Variants in ITPR3 observed in about 807,000 individuals in gnomAD.
ITPR3 encodes inositol 1,4,5-trisphosphate receptor type 3, also known as inositol 1,4,5-trisphosphate-gated calcium channel ITPR3.
A neutral mutation model predicts 293.2 loss-of-function variants in ITPR3; 173 were observed. The ratio of observed to expected loss-of-function variants is 0.59; its 90% CI spans 0.52 to 0.67. ITPR3 has a LOEUF of 0.67. Ranked by LOEUF, ITPR3 falls within the 30% of genes least tolerant of loss-of-function variation. The pLI, the probability that ITPR3 is intolerant of heterozygous loss-of-function variation, is 0.00. For synonymous variants in ITPR3, 1,295 were observed against 1,444.4 expected, an observed-to-expected ratio of 0.90 and a Z score of 2.35; for missense variants, 2,796 against 3,592.1, an observed-to-expected ratio of 0.78 and a Z score of 5.66.
At chr6:33,623,117 G>GC (rs1051150946) in intron 1 of ITPR3, among the ~76,000 whole-genome samples, 1 of 152,108 alleles carries the variant, frequency 6.6e-6, no homozygotes, top group Non-Finnish European at 1.5e-5. Flanking sequence ...GGCCAGGGCT[G>GC]CCCACAGTAG....
intron 2 of ITPR3, among the ~76,000 whole-genome samples, chr6:33,643,226 C>T (rs1386298276): frequency 6.6e-6 from 1 of 152,174 alleles, no homozygotes; most frequent in Non-Finnish European, 1.5e-5. Context: ...AAGTTCTGCC[C>T]CCCACCATCT....
intron 25 of ITPR3, 105 bp from the exon 26 acceptor site, chr6:33,676,663 G>T: frequency 3.0e-6 from 4 of 1,320,774 alleles, no homozygotes; most frequent in Non-Finnish European, 4.2e-6. Flanking sequence ...GGGACAGGTG[G>T]TGGTCTACAG....
chr6:33,621,503 G>T lies in ITPR3; in HGVS notation c.-100G>T. 1 of 807,792 alleles carries T rather than the reference G, an allele frequency of 1.2e-6. No homozygotes were observed. Among genetic ancestry groups the T allele is most frequent in the East Asian group, 3.1e-5 (1 of 32,700 alleles). The allele number at this position is 807,792 out of a possible 1,614,324, so 50.0% of individuals were successfully genotyped here. ...GAGCGTCGGGATCCGAGGTGGGAGC[G>T]TACCCCTCCCCGCTCCCCGGACGCC... On this transcript the variant is annotated 5_prime_UTR_variant, in exon 1 of 58. Transcript: ENST00000605930. The surrounding 1 kb of genome is among the most constrained non-coding windows in gnomAD (Gnocchi z 7.7).
At chr6:33,640,596 C>A in intron 2 of ITPR3, 42 bp downstream of exon 2, 1 of 1,537,950 alleles carries the variant, frequency 6.5e-7, no homozygotes, top group Non-Finnish European at 8.9e-7. Flanking sequence ...TCCCAGGCTG[C>A]AGGGTTCTGG....
Position 33,658,567 on chromosome 6 carries a change from AGCCAGAATGT to A in ITPR3, c.370-101_370-92del. ...GACAGGTGTCTGACACTATGTGTGC[AGCCAGAATGT>A]GACCAAGGGTCTAGGGGATCCCCCC... On this transcript the variant is annotated intron_variant, in intron 4 of 57. Transcript: ENST00000605930. The surrounding 1 kb of genome is among the most constrained non-coding windows in gnomAD (Gnocchi z 6.1). 2.2e-6 allele frequency: 3 copies of A among 1,350,320 alleles called. No individual in the cohort carries two copies. In the South Asian group the frequency reaches 4.1e-5, roughly 18 times the overall value. The allele number at this position is 1,350,320 out of a possible 1,614,324, so 83.6% of individuals were successfully genotyped here.
At chr6:33,644,315 GT>G (rs1387703283) in intron 2 of ITPR3, among the ~76,000 whole-genome samples, 1 of 151,452 alleles carries the variant, frequency 6.6e-6, no homozygotes, top group Non-Finnish European at 1.5e-5. Flanking sequence ...TAGAGATGGG[GT>G]TTCACCTTGT....
chr6:33,680,071 A>G lies in ITPR3; in HGVS notation c.4162A>G (p.Thr1388Ala). The G allele has an allele frequency of 6.2e-7, 1 of 1,613,536 alleles. No homozygotes were observed. The highest frequency in any genetic ancestry group is 8.5e-7 in the Non-Finnish European group (1 of 1,180,006). ...GKNVYTEIKC[T>A]SLLPLEDVVS... ...AAACGTCTACACTGAGATCAAGTGCACCTCCCTGCTGCCGCTGGAGGACGT... is the reference window on the plus strand; with the variant it reads ...AAACGTCTACACTGAGATCAAGTGCGCCTCCCTGCTGCCGCTGGAGGACGT... Residue 1388 changes from threonine to alanine, a missense_variant, in exon 31 of 58, where the codon ACC becomes GCC. Transcript: ENST00000605930.
In ITPR3 at chr6:33,657,958, A is replaced by T. The variant is rs142845743; in HGVS notation, c.309A>T (p.Gln103His). The T allele has an allele frequency of 2.0e-5, 32 of 1,613,720 alleles. No homozygotes were observed. The highest frequency in any genetic ancestry group is 2.5e-5 in the Non-Finnish European group (30 of 1,179,906). Residue 103 changes from glutamine to histidine, a missense_variant, in exon 4 of 58, where the codon CAA becomes CAT. Gln to His is a conservative substitution (Grantham distance 24). Coordinates refer to ENST00000605930, the MANE Select transcript of ITPR3 (RefSeq NM_002224.4). ...LQHAAQMEQK[Q>H]NDTENKKVHG... The stretch of plus-strand genomic sequence containing the variant: ...ATGCGGCGCAGATGGAGCAGAAGCA[A>T]AATGACACGGAGAACAAGAAGGTGC...
rs1763725151 is a variant in ITPR3 at position 33,633,251 on chromosome 6, A to G, written c.90-7233A>G. Among the ~76,000 whole-genome samples, 3 of 150,254 alleles carry G rather than the reference A, an allele frequency of 2.0e-5. No individual in the cohort carries two copies. The highest frequency in any genetic ancestry group is 6.9e-3 in the Middle Eastern group (2 of 290). On this transcript the variant is annotated intron_variant, in intron 1 of 57. Coordinates refer to ENST00000605930, the MANE Select transcript of ITPR3 (RefSeq NM_002224.4). The surrounding 1 kb of genome is among the most constrained non-coding windows in gnomAD (Gnocchi z 5.2). ...TCATCCTAGTAGAGGCTGGACAGTGAGAGATCGGTGGGCTGGTAAAGGGTG... is the reference window on the plus strand; with the variant it reads ...TCATCCTAGTAGAGGCTGGACAGTGGGAGATCGGTGGGCTGGTAAAGGGTG...
At chr6:33,693,284 T>C (rs961026468) in intron 55 of ITPR3, among the ~76,000 whole-genome samples, 3 of 136,358 alleles carry the variant, frequency 2.2e-5, no homozygotes, top group African/African-American at 3.2e-5. Flanking sequence ...GGGCTTCCCC[T>C]GAGTTCGAGA....
At chr6:33,635,971 G>T (rs1028858949) in intron 1 of ITPR3, among the ~76,000 whole-genome samples, 4 of 151,834 alleles carry the variant, frequency 2.6e-5, no homozygotes, top group Admixed American at 2.6e-4. Context: ...TGGAGTGCTG[G>T]CCTGATTTGA....
Position 33,683,521 on chromosome 6 carries a change from G to C in ITPR3, c.4788+124G>C. 1 of 877,446 alleles carries C rather than the reference G, an allele frequency of 1.1e-6. No individual in the cohort carries two copies. 54.4% of individuals were successfully genotyped at this position (877,446 alleles called of 1,614,324 possible). A position where few individuals can be genotyped will look rare whatever the true frequency, so the allele number is the denominator to read the frequency against. ...CTGTCCTGCCCACACTTCCAGGAAG[G>C]GGCTGGTTGGCTTCTCTACACTCTG... is the stretch of plus-strand genomic sequence containing the variant. On this transcript the variant is annotated intron_variant, in intron 35 of 57. Transcript: ENST00000605930. This position sits in a 1 kb window ranked among gnomAD's most constrained non-coding sequence, Gnocchi z 4.5.
Position 33,687,999 on chromosome 6 carries a change from G to T in ITPR3, c.6265-58G>T. On this transcript the variant is annotated intron_variant, in intron 46 of 57. Coordinates refer to ENST00000605930, the MANE Select transcript of ITPR3 (RefSeq NM_002224.4). The surrounding 1 kb of genome is among the most constrained non-coding windows in gnomAD (Gnocchi z 5.3). The stretch of plus-strand genomic sequence containing the variant: ...GCGAAGGCCTGGGAGGGTGGGGGCT[G>T]AGTGCCAGCCTGGATGTGGAGGCTG... 7.2e-7 allele frequency: 1 copy of T among 1,381,202 alleles called. No individual in the cohort carries two copies. The allele number at this position is 1,381,202 out of a possible 1,614,324, so 85.6% of individuals were successfully genotyped here.
chr6:33,659,183 AC>A, intron 6 of ITPR3, 64 bp downstream of exon 6: 1 of 1,435,628 alleles, frequency 7.0e-7, no homozygotes, highest in Non-Finnish European at 9.8e-7. Flanking sequence ...TGGTGTAGAC[AC>A]CCCGCTCCCT....
rs1765475289 is a variant in ITPR3, at chr6:33,694,258, T to C, written c.7785+553T>C. 2 of 156,148 alleles carry C rather than the reference T, an allele frequency of 1.3e-5. 1 individual carries two copies. Among genetic ancestry groups the C allele is most frequent in the South Asian group, 3.9e-4 (2 of 5,120 alleles). The allele number at this position is 156,148 out of a possible 1,614,324, so 9.7% of individuals were successfully genotyped here. A position where few individuals can be genotyped will look rare whatever the true frequency, so the allele number is the denominator to read the frequency against. On this transcript the variant is annotated intron_variant, in intron 56 of 57. Coordinates refer to ENST00000605930, the MANE Select transcript of ITPR3 (RefSeq NM_002224.4). ...AATGTCATCTGTCCAATTTCTGTAA[T>C]AATGGAGTGAAGGCAATGAATCATA...
intron 1 of ITPR3, among the ~76,000 whole-genome samples, chr6:33,629,040 A>T (rs1046564083): frequency 1.3e-5 from 2 of 152,216 alleles, no homozygotes; most frequent in African/African-American, 4.8e-5. Context: ...GATCACTTAC[A>T]TTGGGTGGCC....
At chr6:33,685,996 C>T (rs2127308955) in intron 41 of ITPR3, 57 bp from the exon 42 acceptor site, 1 of 1,592,856 alleles carries the variant, frequency 6.3e-7, no homozygotes, top group Middle Eastern at 1.7e-4. Flanking sequence ...GCTTCCCAGG[C>T]CAGCCTCCCT....
Position 33,628,994 on chromosome 6 carries a change from AGAT to A in ITPR3, c.89+7317_89+7319del, listed in dbSNP as rs565077512. Among the ~76,000 whole-genome samples, 32 of 152,258 alleles carry A rather than the reference AGAT, an allele frequency of 2.1e-4. No individual in the cohort carries two copies. The East Asian group carries it at 6.0e-3, about 29-fold the overall frequency. The stretch of plus-strand genomic sequence containing the variant: ...AGGGAAAATTAAGTCTGTGTCTCAA[AGAT>A]GATGATGATGATGGCAGTGGGTAGA... On this transcript the variant is annotated intron_variant, in intron 1 of 57. Transcript: ENST00000605930.
At position 33,696,306 on chromosome 6, in the gene ITPR3, CTCA is replaced by C; in HGVS notation, c.*527_*529del. The C allele has an allele frequency of 6.4e-6, 1 of 156,768 alleles. No individual in the cohort carries two copies. The highest frequency in any genetic ancestry group is 6.1e-5 in the Admixed American group (1 of 16,456). 9.7% of individuals were successfully genotyped at this position (156,768 alleles called of 1,614,324 possible). On this transcript the variant is annotated 3_prime_UTR_variant, in exon 58 of 58. Coordinates refer to ENST00000605930, the MANE Select transcript of ITPR3 (RefSeq NM_002224.4). ...CAGATCTGCTGTAGCCAGTGCAGACCTCACTGTCGTGTCCATGCCACCCCCGGC... is the reference window on the plus strand; with the variant it reads ...CAGATCTGCTGTAGCCAGTGCAGACCCTGTCGTGTCCATGCCACCCCCGGC...
Sources: gnomAD v4.1 joint callset for allele counts (sites outside exome capture counted in the v4.1 genomes callset) on GRCh38, gnomAD v4.1.1 for gene constraint, Gnocchi (gnomAD v3.1) non-coding constraint, MANE v1.5 for transcripts, NCBI Gene and HGNC (gene_info 2026-07-23, HGNC 2026-07-21) for gene names.